The following TCF4 variants were observed in gnomAD, a reference collection of about 807,000 sequenced individuals.
TCF4 encodes SL3-3 enhancer factor 2.
A neutral mutation model predicts 82.1 loss-of-function variants in TCF4; 3 were observed. The ratio of observed to expected loss-of-function variants is 0.04; its 90% CI spans 0.02 to 0.09. The LOEUF (loss-of-function observed/expected upper bound fraction) is 0.09. TCF4 is among the 10% of genes least tolerant of loss of function. The pLI, the probability that TCF4 is intolerant of heterozygous loss-of-function variation, is 1.00. For synonymous variants in TCF4, 276 were observed against 309.6 expected, an observed-to-expected ratio of 0.89 and a Z score of 1.14; for missense variants, 518 against 852.7, an observed-to-expected ratio of 0.61 and a Z score of 4.89.
chr18:55,561,412 T>C (rs1377860174), intron 3 of TCF4, among the ~76,000 whole-genome samples: 1 of 152,266 alleles, frequency 6.6e-6, no homozygotes, highest in African/African-American at 2.4e-5. Flanking sequence ...TCTCCATAGA[T>C]GGCTCAATAC....
Position 55,509,299 on chromosome 18 carries a change from A to C in TCF4, c.146-45162T>G, listed in dbSNP as rs76950080. Among the ~76,000 whole-genome samples the C allele has an allele frequency of 7.6e-3, 1,150 of 151,944 alleles. 20 individuals carry two copies. The highest frequency in any genetic ancestry group is 0.026 in the African/African-American group (1,086 of 41,512). On this transcript the variant is annotated intron_variant, in intron 3 of 19. Transcript: ENST00000354452. ...GTAAAACTGTAGCTACCTAAAAGCA[A>C]GTAGGTACAGCAACATAAAACACTC...
intron 3 of TCF4, among the ~76,000 whole-genome samples, chr18:55,524,048 A>G (rs1262394258): frequency 1.3e-5 from 2 of 152,154 alleles, no homozygotes; most frequent in Admixed American, 1.3e-4. Flanking sequence ...CAGATTTAAT[A>G]ATTTTTAATA....
intron 6 of TCF4, among the ~76,000 whole-genome samples, chr18:55,389,152 G>C (rs2092860422): frequency 6.6e-6 from 1 of 151,980 alleles, no homozygotes; most frequent in African/African-American, 2.4e-5. Context: ...AATAAATCCA[G>C]CCTCAGGGGT....
intron 8 of TCF4, chr18:55,322,230 A>C: frequency 9.5e-7 from 1 of 1,057,946 alleles, no homozygotes; most frequent in East Asian, 5.1e-5. Flanking sequence ...AATGCAGTTA[A>C]TTGACTCCCC....
chr18:55,604,801 A>C (rs933627527), intron 2 of TCF4, among the ~76,000 whole-genome samples: 1 of 152,178 alleles, frequency 6.6e-6, no homozygotes, highest in Non-Finnish European at 1.5e-5. Context: ...GCTACTAGTT[A>C]GGGACAGCCT....
chr18:55,612,117 T>C (rs539773703), intron 2 of TCF4, among the ~76,000 whole-genome samples: 1 of 152,340 alleles, frequency 6.6e-6, no homozygotes, highest in African/African-American at 2.4e-5. Flanking sequence ...GAAACTGGGC[T>C]GTATCTTATA....
chr18:55,343,861 C>T (rs928332513), intron 8 of TCF4, among the ~76,000 whole-genome samples: 1 of 141,968 alleles, frequency 7.0e-6, no homozygotes, highest in South Asian at 2.1e-4. Context: ...TGCACACACA[C>T]ACGCGTGCAC....
intron 5 of TCF4, among the ~76,000 whole-genome samples, chr18:55,405,166 AT>A (rs1462386367): frequency 6.6e-6 from 1 of 152,246 alleles, no homozygotes; most frequent in Non-Finnish European, 1.5e-5. Flanking sequence ...TAAGCTACTT[AT>A]ACCCTTTAAC....
chr18:55,304,718 C>A (rs749314225), intron 8 of TCF4, among the ~76,000 whole-genome samples: 2 of 152,166 alleles, frequency 1.3e-5, no homozygotes, highest in African/African-American at 2.4e-5. Flanking sequence ...CATGCAAGCA[C>A]CTCACCCAAG....
At chr18:55,237,555 T>C (rs908891402) in intron 15 of TCF4, among the ~76,000 whole-genome samples, 2 of 150,524 alleles carry the variant, frequency 1.3e-5, no homozygotes, top group Admixed American at 1.3e-4. Flanking sequence ...CTGCAACCTC[T>C]GCCTCCCAGG....
At chr18:55,385,988 G>C (rs1019958962) in intron 6 of TCF4, among the ~76,000 whole-genome samples, 12 of 152,200 alleles carry the variant, frequency 7.9e-5, no homozygotes, top group African/African-American at 2.9e-4. Flanking sequence ...AATGTAAGGA[G>C]CCATTCAATC....
At chr18:55,354,001 T>C (rs1036756103) in intron 6 of TCF4, among the ~76,000 whole-genome samples, 3 of 152,190 alleles carry the variant, frequency 2.0e-5, no homozygotes, top group South Asian at 2.1e-4. Flanking sequence ...GTCCCAGTAG[T>C]AGGCTGCCCG....
At chr18:55,275,275 G>GAAAAAAAAAAAAA (rs533160424) in intron 10 of TCF4, among the ~76,000 whole-genome samples, 4 of 71,348 alleles carry the variant, frequency 5.6e-5, no homozygotes, top group Non-Finnish European at 8.1e-5. Context: ...ACTACAGATA[G>GAAAAAAAAAAAAA]AAAAAAAAAA....
intron 3 of TCF4, among the ~76,000 whole-genome samples, chr18:55,478,361 A>C (rs1424845724): frequency 2.0e-5 from 3 of 152,218 alleles, no homozygotes; most frequent in African/African-American, 7.2e-5. Flanking sequence ...TTTTATTAGA[A>C]TACATGGATC....
At chr18:55,390,089 T>C (rs2092945879) in intron 6 of TCF4, among the ~76,000 whole-genome samples, 1 of 151,956 alleles carries the variant, frequency 6.6e-6, no homozygotes, top group Admixed American at 6.6e-5. Flanking sequence ...CACAATTTGG[T>C]AATTGCCAAA....
chr18:55,581,729 T>A (rs1360427577), intron 3 of TCF4, among the ~76,000 whole-genome samples: 1 of 152,168 alleles, frequency 6.6e-6, no homozygotes, highest in Admixed American at 6.5e-5. Context: ...TGGCATATTA[T>A]GTTGGTGTCA....
chr18:55,515,024 T>G (rs1189344028), intron 3 of TCF4, among the ~76,000 whole-genome samples: 1 of 152,180 alleles, frequency 6.6e-6, no homozygotes, highest in African/African-American at 2.4e-5. Context: ...ATAATATTAC[T>G]TTCTTAAGGA....
At chr18:55,229,117 G>T in intron 17 of TCF4, 41 bp from the exon 18 acceptor site, 1 of 1,598,624 alleles carries the variant, frequency 6.3e-7, no homozygotes. Context: ...AATGGTGTGG[G>T]GAAAAAGAAG....
chr18:55,617,756 G>A (rs369260018), intron 2 of TCF4, among the ~76,000 whole-genome samples: 6 of 150,812 alleles, frequency 4.0e-5, no homozygotes, highest in African/African-American at 1.2e-4. Flanking sequence ...AAACACAACC[G>A]GCTCTTTAAT....
Sources: allele counts gnomAD v4.1 joint callset (sites outside exome capture counted in the v4.1 genomes callset), GRCh38; gene constraint gnomAD v4.1.1; transcripts MANE v1.5; gene names NCBI Gene and HGNC (gene_info 2026-07-23, HGNC 2026-07-21).